MAP3K1: variants seen among roughly 807,000 people sequenced by gnomAD.
MAP3K1 encodes the protein MAP/ERK kinase kinase 1.
A neutral mutation model predicts 144.2 loss-of-function variants in MAP3K1; 36 were observed. The ratio of observed to expected loss-of-function variants is 0.25; its 90% CI spans 0.19 to 0.33. The LOEUF (loss-of-function observed/expected upper bound fraction) is 0.33. Among genes scored for constraint, MAP3K1 ranks in the 10% least tolerant of loss-of-function variants. MAP3K1 has a pLI of 1.00. For missense variants in MAP3K1, 1,650 were observed against 1,881.9 expected (o/e 0.88, Z 2.28); for synonymous variants, 718 against 688.7 (o/e 1.04, Z -0.67).
rs1581199491 is a variant in MAP3K1 at position 56,816,054 on chromosome 5, G to C, written c.481G>C (p.Gly161Arg). Residue 161 changes from glycine (G) to arginine (R), a missense_variant and splice_region_variant, in exon 1 of 20, where the codon GGT (glycine) becomes CGT (arginine). Physicochemically the swap from Gly to Arg is moderately radical, Grantham distance 125. Around this residue, in one of 6 missense-constraint regions of MAP3K1, gnomAD observed 360 missense variants for 274.7 expected, o/e 1.31. Coordinates refer to ENST00000399503, the MANE Select transcript of MAP3K1 (RefSeq NM_005921.2). Reference protein sequence around the residue: ...AEPSPAAAPAGREMENKETLK... With the variant: ...AEPSPAAAPARREMENKETLK... ...GCCGTCTCCTGCAGCGGCCCCCGCC[G>C]GGTGAGCAGCACGGCCGGGGTCGCG... 8.2e-7 allele frequency: 1 copy of C among 1,212,746 alleles called. No individual in the cohort carries two copies. The highest frequency in any genetic ancestry group is 3.4e-5 in the East Asian group (1 of 29,722). 75.1% of individuals were successfully genotyped at this position (1,212,746 alleles called of 1,614,324 possible). A position where few individuals can be genotyped will look rare whatever the true frequency, so the allele number is the denominator to read the frequency against.
chr5:56,841,321 G>A (rs1402796247), intron 1 of MAP3K1, among the ~76,000 whole-genome samples: 1 of 151,968 alleles, frequency 6.6e-6, no homozygotes, highest in Non-Finnish European at 1.5e-5. Context: ...TGAGAGCTTT[G>A]ATAGAGTCTT....
At chr5:56,843,264 C>T (rs888417278) in intron 1 of MAP3K1, among the ~76,000 whole-genome samples, 3 of 152,172 alleles carry the variant, frequency 2.0e-5, no homozygotes, top group Admixed American at 6.5e-5. Context: ...ACCCAGTAGC[C>T]GTCTCTGGTC....
chr5:56,815,887 T>G lies in MAP3K1; in HGVS notation c.314T>G (p.Phe105Cys). 1 of 1,352,916 alleles carries G rather than the reference T, an allele frequency of 7.4e-7. No individual in the cohort carries two copies. The highest frequency in any genetic ancestry group is 9.5e-7 in the Non-Finnish European group (1 of 1,049,754). 83.8% of individuals were successfully genotyped at this position (1,352,916 alleles called of 1,614,324 possible). The part of the protein sequence containing the change: ...PADAAGSGTG[F>C]QPVAVPPPHG... Reference sequence around the variant, plus strand: ...GACGCAGCGGGGAGTGGGACCGGCTTCCAGCCTGTGGCGGTGCCGCCGCCC... The same window carrying G: ...GACGCAGCGGGGAGTGGGACCGGCTGCCAGCCTGTGGCGGTGCCGCCGCCC... The change falls in exon 1 of 20, where the codon TTC becomes TGC. Residue 105 changes from phenylalanine to cysteine, a missense_variant. Phe to Cys is a radical substitution (Grantham distance 205). This residue lies in a region of MAP3K1 where 360 missense variants were observed against 274.7 expected (regional missense o/e 1.31). Coordinates refer to ENST00000399503, the MANE Select transcript of MAP3K1 (RefSeq NM_005921.2).
rs1215394068 is a variant in MAP3K1 at position 56,833,313 on chromosome 5, A to AT, written c.482+17265dup. On this transcript the variant is annotated intron_variant, in intron 1 of 19. Transcript: ENST00000399503. ...ATGGTTGAACTTTGTTAATACATACATTTTTTTGCCAGCAAAATTGGAGAT... is the reference window on the plus strand; with the variant it reads ...ATGGTTGAACTTTGTTAATACATACATTTTTTTTGCCAGCAAAATTGGAGAT... Among the ~76,000 whole-genome samples the AT allele has an allele frequency of 5.3e-5, 8 of 152,326 alleles. No homozygotes were observed. In the East Asian group the frequency reaches 5.8e-4, roughly 11 times the overall value.
intron 9 of MAP3K1, among the ~76,000 whole-genome samples, chr5:56,874,196 G>A (rs1747945237): frequency 1.3e-5 from 2 of 152,100 alleles, no homozygotes; most frequent in South Asian, 4.1e-4. Flanking sequence ...ATGTAAATAA[G>A]TATGTTATGA....
rs774724890 is a variant in MAP3K1 at position 56,881,259 on chromosome 5, C to G, written c.2356C>G (p.Pro786Ala). 1 of 1,612,952 alleles carries G rather than the reference C, an allele frequency of 6.2e-7. No homozygotes were observed. Among genetic ancestry groups the G allele is most frequent in the Non-Finnish European group, 8.5e-7 (1 of 1,179,408 alleles). Residue 786 changes from proline (P) to alanine (A), a missense_variant, in exon 13 of 20, where the codon CCT becomes GCT. Around this residue, in one of 6 missense-constraint regions of MAP3K1, gnomAD observed 841 missense variants for 886.5 expected, o/e 0.95. Transcript: ENST00000399503. ...IVSTDVSQAEPVEIRYKKLLS... is the reference protein window; with the variant it reads ...IVSTDVSQAEAVEIRYKKLLS... ...CAGTACTGATGTTTCACAAGCTGAG[C>G]CTGTTGAAATCAGGTAATTTTTCTT... is the stretch of plus-strand genomic sequence containing the variant.
chr5:56,824,819 G>A (rs252907), intron 1 of MAP3K1, among the ~76,000 whole-genome samples: 75,863 of 151,718 alleles, frequency 0.5, 21,239 homozygotes, highest in Non-Finnish European at 0.65. Flanking sequence ...TCTATTATCT[G>A]TGTGGAGAAA....
At chr5:56,850,954 TA>T (rs1747151137) in intron 1 of MAP3K1, among the ~76,000 whole-genome samples, 1 of 152,208 alleles carries the variant, frequency 6.6e-6, no homozygotes, top group Admixed American at 6.5e-5. Context: ...TTTGTTTGTT[TA>T]TTTTTTTGGA....
intron 7 of MAP3K1, 138 bp from the exon 8 acceptor site, chr5:56,872,503 C>T (rs1332339115): frequency 3.0e-6 from 2 of 661,822 alleles, no homozygotes; most frequent in Non-Finnish European, 2.7e-6. Context: ...GCTGTGTTTA[C>T]TTGCTTTCAG....
chr5:56,817,945 A>G (rs1746029449), intron 1 of MAP3K1, among the ~76,000 whole-genome samples: 1 of 152,166 alleles, frequency 6.6e-6, no homozygotes, highest in Non-Finnish European at 1.5e-5. Flanking sequence ...CATGCTTAGT[A>G]TTTGCGTTTT....
Position 56,888,444 on chromosome 5 carries a change from A to G in MAP3K1, c.4389+87A>G, listed in dbSNP as rs569559402. The G allele has an allele frequency of 4.5e-5, 50 of 1,104,028 alleles. No individual in the cohort carries two copies. The African/African-American group carries it at 7.7e-4, about 17-fold the overall frequency. The allele number at this position is 1,104,028 out of a possible 1,614,324, so 68.4% of individuals were successfully genotyped here. On this transcript the variant is annotated intron_variant, in intron 19 of 19. Coordinates refer to ENST00000399503, the MANE Select transcript of MAP3K1 (RefSeq NM_005921.2). ...GGCAAATTTTGATGGGTTCTCCCTA[A>G]CAATCTAGCATGAAGGTAAATAAAT...
chr5:56,831,332 G>T (rs569973679), intron 1 of MAP3K1, among the ~76,000 whole-genome samples: 79 of 152,242 alleles, frequency 5.2e-4, no homozygotes, highest in African/African-American at 1.8e-3. Flanking sequence ...GAATGGGAGG[G>T]AGAGCAGGGG....
chr5:56,879,157 G>A (rs1341246699), intron 11 of MAP3K1, 56 bp downstream of exon 11: 2 of 1,603,466 alleles, frequency 1.2e-6, no homozygotes, highest in Non-Finnish European at 1.7e-6. Context: ...GTGCCTCGCA[G>A]CAAGCCTCAC....
Position 56,816,035 on chromosome 5 carries a change from T to G in MAP3K1, c.462T>G (p.Ser154=), listed in dbSNP as rs1197817856. 1 of 1,217,680 alleles carries G rather than the reference T, an allele frequency of 8.2e-7. No homozygotes were observed. Among genetic ancestry groups the G allele is most frequent in the Non-Finnish European group, 1.0e-6 (1 of 980,436 alleles). The allele number at this position is 1,217,680 out of a possible 1,614,324, so 75.4% of individuals were successfully genotyped here. ...AGCGGGCGCCCGCCGCCGAGCCGTC[T>G]CCTGCAGCGGCCCCCGCCGGGTGAG... The part of the protein sequence containing the change: ...GEKRAPAAEP[S]PAAAPAGREM... Residue 154 remains serine (S), a synonymous_variant, in exon 1 of 20, where the codon TCT becomes TCG. Coordinates refer to ENST00000399503, the MANE Select transcript of MAP3K1 (RefSeq NM_005921.2).
intron 19 of MAP3K1, among the ~76,000 whole-genome samples, chr5:56,892,631 T>G (rs940123556): frequency 2.3e-4 from 35 of 151,288 alleles, no homozygotes; most frequent in African/African-American, 8.2e-4. Flanking sequence ...GAAATAGAGA[T>G]ATTTTCAGAC....
chr5:56,819,885 A>C (rs1746102190), intron 1 of MAP3K1, among the ~76,000 whole-genome samples: 1 of 152,240 alleles, frequency 6.6e-6, no homozygotes, highest in South Asian at 2.1e-4. Flanking sequence ...ATGTGAGGAA[A>C]TGTGTAAGAT....
At chr5:56,836,118 C>G (rs988259005) in intron 1 of MAP3K1, among the ~76,000 whole-genome samples, 1 of 152,190 alleles carries the variant, frequency 6.6e-6, no homozygotes, top group Non-Finnish European at 1.5e-5. Context: ...TTCATGATTT[C>G]TGCTTGGTTT....
At chr5:56,838,821 C>T (rs1746728731) in intron 1 of MAP3K1, among the ~76,000 whole-genome samples, 1 of 152,160 alleles carries the variant, frequency 6.6e-6, no homozygotes, top group African/African-American at 2.4e-5. Context: ...AAAACCTAAG[C>T]ATAAACATGA....
At chr5:56,862,912 T>C (rs1012952145) in intron 3 of MAP3K1, among the ~76,000 whole-genome samples, 1 of 152,224 alleles carries the variant, frequency 6.6e-6, no homozygotes, top group East Asian at 1.9e-4. Flanking sequence ...TAGCCATTAT[T>C]ACGGTCGGTT....
Sources: allele counts gnomAD v4.1 joint callset (sites outside exome capture counted in the v4.1 genomes callset), GRCh38; gene constraint gnomAD v4.1.1; regional missense constraint gnomAD v4.1.1; transcripts MANE v1.5; gene names NCBI Gene and HGNC (gene_info 2026-07-23, HGNC 2026-07-21).